The following UBASH3B variants were observed in gnomAD, a reference collection of about 807,000 sequenced individuals.
UBASH3B encodes ubiquitin associated and SH3 domain containing B.
Under a neutral mutation model 83.4 loss-of-function variants are expected in UBASH3B, and 37 were observed. The ratio of observed to expected loss-of-function variants is 0.44; its 90% confidence interval spans 0.34 to 0.58. The LOEUF (loss-of-function observed/expected upper bound fraction) is 0.58. Ranked by LOEUF, UBASH3B falls within the 20% of genes least tolerant of loss-of-function variation. The pLI, the probability that UBASH3B is intolerant of heterozygous loss-of-function variation, is 0.01. For missense variants in UBASH3B, 657 were observed against 827.2 expected (o/e 0.79, Z 2.52); for synonymous variants, 304 against 318.3 (o/e 0.96, Z 0.48).
In UBASH3B at chr11:122,809,735, G is replaced by A. The variant is rs757223461; in HGVS notation, c.1813-14G>A. The A allele has an allele frequency of 1.5e-5, 24 of 1,613,584 alleles. No individual in the cohort carries two copies. Among genetic ancestry groups the A allele is most frequent in the Admixed American group, 8.3e-5 (5 of 59,920 alleles). ...ATCTCCTAATATCCCCTTTCTTTAC[G>A]ACTCTTACTTCAGATCCCATATCTG... On this transcript the variant is annotated splice_polypyrimidine_tract_variant and intron_variant, in intron 13 of 13. Transcript: ENST00000284273.
At position 122,671,987 on chromosome 11, in the gene UBASH3B, G is replaced by GT. The variant is rs1349959936; in HGVS notation, c.161+15779dup. Among the ~76,000 whole-genome samples the GT allele has an allele frequency of 2.6e-5, 4 of 152,138 alleles. No individual in the cohort carries two copies. In the East Asian group the frequency reaches 7.8e-4, roughly 30 times the overall value. ...GGCACCAGCCGCTGCCCCAGAATGG[G>GT]TTGTCCTGGGAAACAGGTCATGCAG... On this transcript the variant is annotated intron_variant, in intron 1 of 13. Transcript: ENST00000284273.
Position 122,788,704 on chromosome 11 carries a change from C to A in UBASH3B, c.772-396C>A, listed in dbSNP as rs1860998449. On this transcript the variant is annotated intron_variant, in intron 5 of 13. Coordinates refer to ENST00000284273, the MANE Select transcript of UBASH3B (RefSeq NM_032873.5). ...AACCCCCGTATGGAAGACTGGCTTT[C>A]CATGAGCTGGGTTTCAGGTGTCTAT... is the stretch of plus-strand genomic sequence containing the variant. Among the ~76,000 whole-genome samples, 3 of 152,178 alleles carry A rather than the reference C, an allele frequency of 2.0e-5. No individual in the cohort carries two copies. In the South Asian group the frequency reaches 6.2e-4, roughly 32 times the overall value.
intron 1 of UBASH3B, among the ~76,000 whole-genome samples, chr11:122,741,592 C>T (rs1861026264): frequency 6.6e-6 from 1 of 152,178 alleles, no homozygotes. Flanking sequence ...CCTCGCGGGT[C>T]TCCTGGTGGG....
rs1295512929 is a variant in UBASH3B, at chr11:122,806,552, C to T, written c.1702+36C>T. 9 of 1,530,910 alleles carry T rather than the reference C, an allele frequency of 5.9e-6. No individual in the cohort carries two copies. The highest frequency in any genetic ancestry group is 4.1e-4 in the Middle Eastern group (2 of 4,922). The allele number at this position is 1,530,910 out of a possible 1,614,324, so 94.8% of individuals were successfully genotyped here. On this transcript the variant is annotated intron_variant, in intron 12 of 13. Transcript: ENST00000284273. This position sits in a 1 kb window ranked among gnomAD's most constrained non-coding sequence, Gnocchi z 4.0. ...TTATTCTGAACTCCATCTGTACATA[C>T]GTGATTATTTCTCTATAATGGTTAA...
intron 1 of UBASH3B, among the ~76,000 whole-genome samples, chr11:122,657,326 T>G (rs1273793964): frequency 6.6e-6 from 1 of 152,176 alleles, no homozygotes; most frequent in Non-Finnish European, 1.5e-5. Context: ...AGACGGAGTC[T>G]CGCTGTGTCG....
intron 6 of UBASH3B, 52 bp from the exon 7 acceptor site, chr11:122,794,650 G>A (rs373681846): frequency 1.9e-6 from 3 of 1,611,160 alleles, no homozygotes; most frequent in Non-Finnish European, 2.5e-6. Context: ...AGGAGGAAGT[G>A]CTGATGACTG....
At chr11:122,717,710 G>A (rs911128506) in intron 1 of UBASH3B, among the ~76,000 whole-genome samples, 11 of 152,148 alleles carry the variant, frequency 7.2e-5, no homozygotes, top group Admixed American at 2.6e-4. Flanking sequence ...CAAGTTTCTC[G>A]TTGTTCTCCA....
At chr11:122,719,829 T>A (rs532009271) in intron 1 of UBASH3B, among the ~76,000 whole-genome samples, 2 of 152,298 alleles carry the variant, frequency 1.3e-5, no homozygotes, top group East Asian at 3.9e-4. Flanking sequence ...TGCCATATAT[T>A]GTGAGCAATT....
intron 1 of UBASH3B, among the ~76,000 whole-genome samples, chr11:122,712,722 C>T (rs1422100958): frequency 6.6e-6 from 1 of 151,972 alleles, no homozygotes; most frequent in African/African-American, 2.4e-5. Flanking sequence ...CAAAAGCAAA[C>T]GCCCTGAAGT....
chr11:122,778,554 ATTT>A (rs56698309), intron 3 of UBASH3B, among the ~76,000 whole-genome samples: 1 of 127,196 alleles, frequency 7.9e-6, no homozygotes. Context: ...ACATTCCTTC[ATTT>A]TTTTTTTTTT....
At chr11:122,789,857 G>A (rs926644509) in intron 6 of UBASH3B, among the ~76,000 whole-genome samples, 1 of 152,116 alleles carries the variant, frequency 6.6e-6, no homozygotes, top group African/African-American at 2.4e-5. Context: ...CTGAAAAGGG[G>A]TCCATTTCCC....
At position 122,719,611 on chromosome 11, in the gene UBASH3B, C is replaced by A. The variant is rs144394980; in HGVS notation, c.162-56608C>A. 1.2e-3 allele frequency among the ~76,000 whole-genome samples: 187 copies of A among 152,252 alleles called. No individual in the cohort carries two copies. In the South Asian group the frequency reaches 0.013, roughly 11 times the overall value. On this transcript the variant is annotated intron_variant, in intron 1 of 13. Transcript: ENST00000284273. The stretch of plus-strand genomic sequence containing the variant: ...AGGTAGTAATAATCAGCCTTAGTAG[C>A]TGGAAAGATCATTTCATCTGTTTCT...
At chr11:122,760,290 G>A (rs1373823516) in intron 1 of UBASH3B, among the ~76,000 whole-genome samples, 1 of 152,184 alleles carries the variant, frequency 6.6e-6, no homozygotes, top group Non-Finnish European at 1.5e-5. Context: ...AGGATAGGCA[G>A]GAGCTAGCCA....
intron 1 of UBASH3B, among the ~76,000 whole-genome samples, chr11:122,682,390 A>G (rs1462819251): frequency 6.6e-6 from 1 of 152,036 alleles, no homozygotes; most frequent in Non-Finnish European, 1.5e-5. Context: ...ATAGATGGGG[A>G]CGCTGAGGCG....
intron 1 of UBASH3B, among the ~76,000 whole-genome samples, chr11:122,690,167 C>CATAT (rs57203901): frequency 0.046 from 1,971 of 43,206 alleles, 105 homozygotes; most frequent in Middle Eastern, 0.071. Flanking sequence ...GGCAGGAAAA[C>CATAT]ATATATATAT....
chr11:122,688,313 G>T (rs1467188073), intron 1 of UBASH3B, among the ~76,000 whole-genome samples: 3 of 151,844 alleles, frequency 2.0e-5, no homozygotes, highest in African/African-American at 7.3e-5. Context: ...GCCCAGGCTG[G>T]AGCGTAGTGG....
intron 1 of UBASH3B, among the ~76,000 whole-genome samples, chr11:122,660,977 C>G (rs1565520108): frequency 6.6e-6 from 1 of 152,150 alleles, no homozygotes; most frequent in Non-Finnish European, 1.5e-5. Flanking sequence ...GTGGCAAGAC[C>G]TGTCATGTGT....
rs1041258947 is a variant in UBASH3B, at chr11:122,758,123, C to T, written c.162-18096C>T. On this transcript the variant is annotated intron_variant, in intron 1 of 13. Transcript: ENST00000284273. This position sits in a 1 kb window ranked among gnomAD's most constrained non-coding sequence, Gnocchi z 4.2. Reference sequence around the variant, plus strand: ...GTGCCAAATTGCCAGATTCCCTGAGCGCTGGGAACTGAGGCCCAGAAGGAA... The same window carrying T: ...GTGCCAAATTGCCAGATTCCCTGAGTGCTGGGAACTGAGGCCCAGAAGGAA... Among the ~76,000 whole-genome samples, 16 of 152,150 alleles carry T rather than the reference C, an allele frequency of 1.1e-4. No homozygotes were observed. The highest frequency in any genetic ancestry group is 2.7e-4 in the African/African-American group (11 of 41,498).
chr11:122,755,038 A>C (rs951315628), intron 1 of UBASH3B, among the ~76,000 whole-genome samples: 8 of 152,056 alleles, frequency 5.3e-5, no homozygotes, highest in Non-Finnish European at 5.9e-5. Flanking sequence ...AGTCACTGGG[A>C]CCTTAAAGAA....
Sources: allele counts gnomAD v4.1 joint callset (sites outside exome capture counted in the v4.1 genomes callset), GRCh38; gene constraint gnomAD v4.1.1; non-coding constraint Gnocchi (gnomAD v3.1); transcripts MANE v1.5; gene names NCBI Gene and HGNC (gene_info 2026-07-23, HGNC 2026-07-21).